AGBL4: variants seen among roughly 807,000 people sequenced by gnomAD.
AGBL4 encodes cytosolic carboxypeptidase 6.
Under a neutral mutation model 66.4 loss-of-function variants are expected in AGBL4, and 58 were observed. That is an observed-to-expected ratio of 0.87 (90% CI 0.71 to 1.09). The LOEUF is 1.09. Among genes scored for constraint, AGBL4 ranks in the 50% least tolerant of loss-of-function variants. The pLI is 0.00. For missense variants in AGBL4, 579 were observed against 631.0 expected (o/e 0.92, Z 0.88); for synonymous variants, 234 against 222.9 (o/e 1.05, Z -0.44).
intron 3 of AGBL4, among the ~76,000 whole-genome samples, chr1:49,568,961 A>G (rs1644271656): frequency 6.6e-6 from 1 of 152,234 alleles, no homozygotes; most frequent in Admixed American, 6.5e-5. Context: ...TATGATAGCT[A>G]AAATTTGGAA....
At chr1:49,674,766 A>T (rs1292450825) in intron 3 of AGBL4, among the ~76,000 whole-genome samples, 1 of 152,068 alleles carries the variant, frequency 6.6e-6, no homozygotes, top group Admixed American at 6.6e-5. Context: ...TCTTTGAGAG[A>T]TAGAGAGGTA....
chr1:48,883,195 G>A (rs1214714029), intron 5 of AGBL4, among the ~76,000 whole-genome samples: 1 of 152,152 alleles, frequency 6.6e-6, no homozygotes, highest in Admixed American at 6.5e-5. Flanking sequence ...CCTCCATACT[G>A]TTTTCTATAA....
chr1:48,780,434 A>T (rs1645265785), intron 6 of AGBL4, among the ~76,000 whole-genome samples: 1 of 152,090 alleles, frequency 6.6e-6, no homozygotes, highest in South Asian at 2.1e-4. Flanking sequence ...ACTACTTTAA[A>T]TTTCATATGG....
intron 3 of AGBL4, among the ~76,000 whole-genome samples, chr1:49,536,984 G>C (rs1435106581): frequency 6.6e-6 from 1 of 151,406 alleles, no homozygotes; most frequent in Non-Finnish European, 1.5e-5. Context: ...TCCAGCCTGG[G>C]CGACAAAGCA....
intron 4 of AGBL4, among the ~76,000 whole-genome samples, chr1:49,109,370 A>G (rs1447238542): frequency 6.6e-6 from 1 of 152,030 alleles, no homozygotes; most frequent in Admixed American, 6.5e-5. Context: ...TGACCTTTGA[A>G]TTTCCCTCAG....
intron 6 of AGBL4, chr1:48,761,172 C>A: frequency 1.3e-6 from 1 of 761,952 alleles, no homozygotes; most frequent in Non-Finnish European, 2.0e-6. Flanking sequence ...GCCAGCAAGG[C>A]AAATACACAC....
intron 6 of AGBL4, among the ~76,000 whole-genome samples, chr1:48,814,697 A>C (rs1239909718): frequency 1.3e-5 from 2 of 151,222 alleles, no homozygotes; most frequent in East Asian, 3.9e-4. Flanking sequence ...ACTTTACAGA[A>C]TGTCCTCCAG....
At chr1:49,429,119 T>C (rs1645728147) in intron 3 of AGBL4, among the ~76,000 whole-genome samples, 1 of 152,210 alleles carries the variant, frequency 6.6e-6, no homozygotes, top group Non-Finnish European at 1.5e-5. Flanking sequence ...ATAGCAATTC[T>C]GTGGATTCTT....
chr1:48,926,244 A>ATTATATTATTTTATT (rs1553125499), intron 5 of AGBL4, among the ~76,000 whole-genome samples: 3 of 142,262 alleles, frequency 2.1e-5, no homozygotes, highest in African/African-American at 8.1e-5. Context: ...ATGACCATGA[A>ATTATATTATTTTATT]TTATTTTATT....
intron 2 of AGBL4, among the ~76,000 whole-genome samples, chr1:49,783,264 C>A (rs1030963458): frequency 2.0e-5 from 3 of 152,074 alleles, no homozygotes; most frequent in African/African-American, 7.2e-5. Context: ...AGATCAATAT[C>A]TTTTATCAAT....
chr1:48,623,171 G>A (rs1645443647), intron 9 of AGBL4, among the ~76,000 whole-genome samples: 1 of 152,214 alleles, frequency 6.6e-6, no homozygotes. Context: ...TACAATGCCT[G>A]CACTCAGGAA....
At chr1:49,779,339 T>C (rs2147900788) in intron 2 of AGBL4, among the ~76,000 whole-genome samples, 1 of 152,290 alleles carries the variant, frequency 6.6e-6, no homozygotes, top group Non-Finnish European at 1.5e-5. Context: ...ACTGCAACAG[T>C]GCAAGGAAGA....
At chr1:48,634,186 T>TA (rs1645633277) in intron 9 of AGBL4, 1 of 187,786 alleles carries the variant, frequency 5.3e-6, no homozygotes. Context: ...TTTCTTATAC[T>TA]AATTCAAGTC....
chr1:49,696,795 G>A (rs540583198), intron 3 of AGBL4, among the ~76,000 whole-genome samples: 1 of 152,208 alleles, frequency 6.6e-6, no homozygotes, highest in East Asian at 1.9e-4. Context: ...AGAATCACTA[G>A]AGAGGGCTGT....
intron 3 of AGBL4, among the ~76,000 whole-genome samples, chr1:49,656,908 T>C (rs1188470561): frequency 2.0e-5 from 3 of 152,210 alleles, no homozygotes; most frequent in South Asian, 2.1e-4. Context: ...TCATACTGAA[T>C]GGGCAAAAAC....
intron 1 of AGBL4, among the ~76,000 whole-genome samples, chr1:49,975,343 G>T (rs1658468880): frequency 6.6e-6 from 1 of 152,132 alleles, no homozygotes; most frequent in South Asian, 2.1e-4. Flanking sequence ...GCACTAATTT[G>T]CATGCAGTGA....
intron 3 of AGBL4, among the ~76,000 whole-genome samples, chr1:49,512,751 AGACT>A (rs765718179): frequency 6.6e-5 from 10 of 151,960 alleles, no homozygotes; most frequent in Non-Finnish European, 1.5e-4. Flanking sequence ...ATGCACAAAC[AGACT>A]AACACAACTA....
At chr1:48,573,096 G>T (rs1057415976) in intron 11 of AGBL4, among the ~76,000 whole-genome samples, 3 of 152,126 alleles carry the variant, frequency 2.0e-5, no homozygotes, top group African/African-American at 7.2e-5. Context: ...CCCTGCCCCT[G>T]CCCCTTCCCT....
chr1:48,551,965 TG>T (rs1389445318), intron 11 of AGBL4, among the ~76,000 whole-genome samples: 1 of 152,218 alleles, frequency 6.6e-6, no homozygotes, highest in Non-Finnish European at 1.5e-5. Context: ...TTAATGTGCC[TG>T]ATTCTGGATG....
Sources: gnomAD v4.1 joint callset for allele counts (sites outside exome capture counted in the v4.1 genomes callset) on GRCh38, gnomAD v4.1.1 for gene constraint, MANE v1.5 for transcripts, NCBI Gene and HGNC (gene_info 2026-07-23, HGNC 2026-07-21) for gene names.